PID1: variants seen among roughly 807,000 people sequenced by gnomAD.
The protein encoded by PID1 is PTB-containing, cubilin and LRP1-interacting protein.
PID1 carries 10 observed loss-of-function variants against 19.1 expected under a neutral mutation model. That is an observed-to-expected ratio of 0.52 (90% CI 0.32 to 0.89). The LOEUF is 0.89. Among genes scored for constraint, PID1 ranks in the 40% least tolerant of loss-of-function variants. The pLI, the probability that PID1 is intolerant of heterozygous loss-of-function variation, is 0.03. For synonymous variants in PID1, 130 were observed against 116.0 expected (o/e 1.12, Z -0.78); for missense variants, 248 against 285.3 (o/e 0.87, Z 0.94).
At chr2:229,072,971 C>A (rs1372484940) in intron 2 of PID1, among the ~76,000 whole-genome samples, 2 of 152,234 alleles carry the variant, frequency 1.3e-5, no homozygotes, top group African/African-American at 4.8e-5. Context: ...AAGGTGATTA[C>A]AAACTGCAGG....
chr2:229,199,107 G>GC (rs1691437227), intron 1 of PID1, among the ~76,000 whole-genome samples: 1 of 151,876 alleles, frequency 6.6e-6, no homozygotes, highest in African/African-American at 2.4e-5. Flanking sequence ...TGACACCCTT[G>GC]CCAGTGCTGA....
chr2:229,136,221 G>C (rs1689855041), intron 2 of PID1, among the ~76,000 whole-genome samples: 1 of 152,140 alleles, frequency 6.6e-6, no homozygotes, highest in East Asian at 1.9e-4. Flanking sequence ...CCAACAACCT[G>C]AAAGGAATTG....
At chr2:229,182,608 G>T (rs1456991843) in intron 1 of PID1, among the ~76,000 whole-genome samples, 1 of 152,104 alleles carries the variant, frequency 6.6e-6, no homozygotes, top group Non-Finnish European at 1.5e-5. Flanking sequence ...CCATTCATCT[G>T]CCATCTGTTC....
intron 2 of PID1, among the ~76,000 whole-genome samples, chr2:229,040,492 A>T (rs1424260672): frequency 2.0e-5 from 3 of 152,318 alleles, no homozygotes; most frequent in East Asian, 1.9e-4. Context: ...AATAATGGGG[A>T]TGTGGGAATG....
chr2:229,185,015 A>ATC (rs1691092715), intron 1 of PID1, among the ~76,000 whole-genome samples: 1 of 140,156 alleles, frequency 7.1e-6, no homozygotes, highest in Non-Finnish European at 1.5e-5. Flanking sequence ...CACTATATAT[A>ATC]CTATATGTAT....
At chr2:229,169,964 A>G (rs189271575) in intron 1 of PID1, among the ~76,000 whole-genome samples, 1 of 152,092 alleles carries the variant, frequency 6.6e-6, no homozygotes, top group East Asian at 1.9e-4. Flanking sequence ...TAGACTCACA[A>G]CCCCAGACAT....
At chr2:229,138,192 T>C (rs1270381640) in intron 2 of PID1, among the ~76,000 whole-genome samples, 4 of 152,134 alleles carry the variant, frequency 2.6e-5, no homozygotes, top group African/African-American at 9.7e-5. Context: ...GACCCTGCCT[T>C]CTCTCCTGGA....
At chr2:229,041,217 C>T (rs570079040) in intron 2 of PID1, among the ~76,000 whole-genome samples, 1 of 152,208 alleles carries the variant, frequency 6.6e-6, no homozygotes, top group African/African-American at 2.4e-5. Context: ...GGCTGTCACA[C>T]AAAACAGTGA....
intron 2 of PID1, among the ~76,000 whole-genome samples, chr2:229,090,085 A>C (rs1694842007): frequency 6.6e-6 from 1 of 152,170 alleles, no homozygotes. Context: ...GCAAAGCTCA[A>C]ACTCAATCTA....
intron 2 of PID1, among the ~76,000 whole-genome samples, chr2:229,087,861 T>C (rs981787720): frequency 7.2e-5 from 11 of 152,164 alleles, no homozygotes; most frequent in African/African-American, 2.7e-4. Flanking sequence ...ACCAATCAAG[T>C]ATGCCCTTTG....
chr2:229,198,888 T>C (rs1053718482), intron 1 of PID1, among the ~76,000 whole-genome samples: 7 of 152,078 alleles, frequency 4.6e-5, no homozygotes, highest in Non-Finnish European at 8.8e-5. Context: ...AAAACAACAG[T>C]CAGAGATGTT....
In PID1 at chr2:229,145,155, GTATATATATATATA is replaced by G. The variant is rs5839309; in HGVS notation, c.177+10649_177+10662del. On this transcript the variant is annotated intron_variant, in intron 2 of 2. Coordinates refer to ENST00000392055, the MANE Select transcript of PID1 (RefSeq NM_001100818.2). Reference sequence around the variant, plus strand: ...ATGCTGAGTTTAAATATATGTATGTGTATATATATATATATATATATATATATATATATAAACTC... The same window carrying G: ...ATGCTGAGTTTAAATATATGTATGTGTATATATATATATATATATAAACTC... 8.3e-5 allele frequency among the ~76,000 whole-genome samples: 10 copies of G among 119,942 alleles called. No homozygotes were observed. In the South Asian group the frequency reaches 1.1e-3, roughly 13 times the overall value. 78.7% of individuals were successfully genotyped at this position (119,942 alleles called of 152,430 possible).
chr2:229,143,468 CTG>C, intron 2 of PID1, among the ~76,000 whole-genome samples: 1 of 152,236 alleles, frequency 6.6e-6, no homozygotes, highest in Non-Finnish European at 1.5e-5. Context: ...GTTTGTTGAA[CTG>C]TTAAGAAACA....
rs139282147 is a variant in PID1, at chr2:229,137,565, C to T, written c.177+18253G>A. 3.7e-3 allele frequency among the ~76,000 whole-genome samples: 562 copies of T among 151,582 alleles called. 6 individuals are homozygous for T. Among genetic ancestry groups the T allele is most frequent in the African/African-American group, 8.0e-3 (329 of 41,332 alleles). On this transcript the variant is annotated intron_variant, in intron 2 of 2. Transcript: ENST00000392055. ...CAATAAAATATTTCATGAATCAAGG[C>T]AAAGAAATGAACAAAGTCCTGAAGG...
At chr2:229,204,976 C>A (rs1691578604) in intron 1 of PID1, among the ~76,000 whole-genome samples, 1 of 152,058 alleles carries the variant, frequency 6.6e-6, no homozygotes, top group African/African-American at 2.4e-5. Context: ...TTATTAAGAC[C>A]TTTTGGATGA....
chr2:229,243,948 C>A (rs1197733716), intron 1 of PID1, among the ~76,000 whole-genome samples: 1 of 151,940 alleles, frequency 6.6e-6, no homozygotes, highest in Non-Finnish European at 1.5e-5. Flanking sequence ...ATCATCTTAT[C>A]TTGGTTTTTG....
Position 229,230,634 on chromosome 2 carries a change from C to T in PID1, c.30+40380G>A, listed in dbSNP as rs562243284. Among the ~76,000 whole-genome samples, 138 of 152,326 alleles carry T rather than the reference C, an allele frequency of 9.1e-4. 2 individuals are homozygous for T. The highest frequency in any genetic ancestry group is 3.0e-3 in the African/African-American group (126 of 41,580). ...GGATTTAAATCAAAAGAGGAATTTA[C>T]TGCCGCCTTTGGGTCTTTGTAGTAC... On this transcript the variant is annotated intron_variant, in intron 1 of 2. Coordinates refer to ENST00000392055, the MANE Select transcript of PID1 (RefSeq NM_001100818.2).
chr2:229,139,150 C>A (rs9653371), intron 2 of PID1, among the ~76,000 whole-genome samples: 2,138 of 110,208 alleles, frequency 0.019, 240 homozygotes, highest in African/African-American at 0.062. Flanking sequence ...AGAAAGAAAG[C>A]AAGCGAGCGA....
intron 2 of PID1, among the ~76,000 whole-genome samples, chr2:229,101,044 G>A (rs1294840396): frequency 6.6e-6 from 1 of 152,200 alleles, no homozygotes; most frequent in Non-Finnish European, 1.5e-5. Context: ...CATCCAGGCA[G>A]TTGGTGAAAT....
Sources: allele counts gnomAD v4.1 joint callset (sites outside exome capture counted in the v4.1 genomes callset), GRCh38; gene constraint gnomAD v4.1.1; transcripts MANE v1.5; gene names NCBI Gene and HGNC (gene_info 2026-07-23, HGNC 2026-07-21).